SLC39A11: variants seen among roughly 807,000 people sequenced by gnomAD.
SLC39A11 encodes the protein zinc transporter ZIP11.
SLC39A11 carries 33 observed loss-of-function variants against 36.1 expected under a neutral mutation model. The ratio of observed to expected loss-of-function variants is 0.91; its 90% CI spans 0.69 to 1.22. SLC39A11 has a LOEUF of 1.22. Ranked by LOEUF, SLC39A11 falls within the 50% of genes most tolerant of loss-of-function variation. The pLI is 0.00. For missense variants in SLC39A11, 432 were observed against 430.3 expected, an observed-to-expected ratio of 1.00 and a Z score of -0.03; for synonymous variants, 166 against 170.3, an observed-to-expected ratio of 0.97 and a Z score of 0.20.
At chr17:72,845,016 C>T (rs2078987568) in intron 6 of SLC39A11, among the ~76,000 whole-genome samples, 2 of 152,156 alleles carry the variant, frequency 1.3e-5, no homozygotes, top group Admixed American at 1.3e-4. Context: ...AATCGGGACC[C>T]AGGAAGGGAT....
intron 7 of SLC39A11, among the ~76,000 whole-genome samples, chr17:72,673,272 T>C (rs2071098372): frequency 6.6e-6 from 1 of 151,970 alleles, no homozygotes; most frequent in Non-Finnish European, 1.5e-5. Flanking sequence ...ACCTGGCTAG[T>C]TTTTGTATTT....
intron 4 of SLC39A11, among the ~76,000 whole-genome samples, chr17:72,975,244 G>A (rs2087757870): frequency 6.6e-6 from 1 of 152,092 alleles, no homozygotes; most frequent in South Asian, 2.1e-4. Context: ...TTTGAGACCA[G>A]CCTGACCAAC....
chr17:72,891,329 G>A (rs1198290064), intron 5 of SLC39A11, among the ~76,000 whole-genome samples: 4 of 152,300 alleles, frequency 2.6e-5, no homozygotes, highest in Admixed American at 6.5e-5. Context: ...GCTGAGGCAC[G>A]AGAATCGCTT....
At chr17:72,838,758 A>C (rs1394390076) in intron 6 of SLC39A11, among the ~76,000 whole-genome samples, 1 of 152,152 alleles carries the variant, frequency 6.6e-6, no homozygotes, top group Non-Finnish European at 1.5e-5. Context: ...TAACCATTTA[A>C]ATATGCCACT....
intron 3 of SLC39A11, among the ~76,000 whole-genome samples, chr17:73,033,281 G>C (rs1488451525): frequency 6.6e-6 from 1 of 152,214 alleles, no homozygotes; most frequent in African/African-American, 2.4e-5. Flanking sequence ...CCGGGGATTG[G>C]GGACCTCTGC....
intron 6 of SLC39A11, among the ~76,000 whole-genome samples, chr17:72,782,171 C>A (rs927416852): frequency 3.3e-5 from 5 of 152,072 alleles, no homozygotes; most frequent in African/African-American, 7.2e-5. Flanking sequence ...TAGAGACACC[C>A]AGAGGAGAAG....
At chr17:72,787,253 C>CTTTTTTTT (rs56100121) in intron 6 of SLC39A11, among the ~76,000 whole-genome samples, 18 of 80,512 alleles carry the variant, frequency 2.2e-4, no homozygotes, top group Non-Finnish European at 3.1e-4. Context: ...TAACCCATGG[C>CTTTTTTTT]TTTTTTTTTT....
At chr17:72,720,167 A>C (rs561690521) in intron 7 of SLC39A11, among the ~76,000 whole-genome samples, 65 of 152,198 alleles carry the variant, frequency 4.3e-4, no homozygotes, top group Non-Finnish European at 7.2e-4. Flanking sequence ...AGAGAGAAAA[A>C]CACCACACAA....
At chr17:73,034,182 A>G (rs1193153741) in intron 3 of SLC39A11, among the ~76,000 whole-genome samples, 1 of 152,158 alleles carries the variant, frequency 6.6e-6, no homozygotes, top group Non-Finnish European at 1.5e-5. Flanking sequence ...TAAACTCCCC[A>G]TCGAAGAGGA....
At chr17:72,729,264 A>T (rs1232148591) in intron 7 of SLC39A11, among the ~76,000 whole-genome samples, 1 of 148,094 alleles carries the variant, frequency 6.8e-6, no homozygotes, top group Non-Finnish European at 1.5e-5. Context: ...TTTGAGGCAC[A>T]GTCTCTCTAT....
intron 3 of SLC39A11, among the ~76,000 whole-genome samples, chr17:73,036,089 T>C (rs191708383): frequency 5.9e-5 from 9 of 152,290 alleles, no homozygotes; most frequent in African/African-American, 2.2e-4. Context: ...TGCTGCCACC[T>C]TGACTTTGTC....
chr17:72,803,706 T>C (rs1417902698), intron 6 of SLC39A11, among the ~76,000 whole-genome samples: 1 of 152,126 alleles, frequency 6.6e-6, no homozygotes, highest in African/African-American at 2.4e-5. Flanking sequence ...GCATCTCACA[T>C]GTGGCACAGA....
intron 5 of SLC39A11, among the ~76,000 whole-genome samples, chr17:72,942,061 A>AT (rs11396369): frequency 0.48 from 69,924 of 147,048 alleles, 18,708 homozygotes; most frequent in South Asian, 0.66. Flanking sequence ...TTGTATTATT[A>AT]TTATTTTTTT....
intron 7 of SLC39A11, among the ~76,000 whole-genome samples, chr17:72,665,957 C>G (rs1019233791): frequency 1.3e-5 from 2 of 152,180 alleles, no homozygotes; most frequent in African/African-American, 4.8e-5. Flanking sequence ...ATCCCAAGCA[C>G]ATAGTCAAAT....
intron 5 of SLC39A11, among the ~76,000 whole-genome samples, chr17:72,887,789 G>A (rs1366648718): frequency 2.7e-5 from 4 of 150,734 alleles, no homozygotes; most frequent in Non-Finnish European, 5.9e-5. Context: ...ATTTAGAAAC[G>A]AAAAAAAAAA....
intron 3 of SLC39A11, among the ~76,000 whole-genome samples, chr17:73,046,557 T>C (rs544270268): frequency 3.9e-4 from 59 of 152,350 alleles, no homozygotes; most frequent in African/African-American, 1.2e-3. Context: ...AGTATAAGCA[T>C]GTCCCTAATA....
chr17:72,904,418 G>A (rs1022537526), intron 5 of SLC39A11, among the ~76,000 whole-genome samples: 2 of 152,210 alleles, frequency 1.3e-5, no homozygotes, highest in Non-Finnish European at 2.9e-5. Flanking sequence ...AAATAAGGAA[G>A]AGCGGCCACA....
intron 3 of SLC39A11, among the ~76,000 whole-genome samples, chr17:73,082,555 A>G (rs1362941385): frequency 6.6e-6 from 1 of 152,082 alleles, no homozygotes; most frequent in African/African-American, 2.4e-5. Context: ...GGATGGGGGA[A>G]AAAAAGAGAT....
At chr17:72,720,550 G>C (rs576448808) in intron 7 of SLC39A11, among the ~76,000 whole-genome samples, 218 of 152,288 alleles carry the variant, frequency 1.4e-3, no homozygotes, top group African/African-American at 4.6e-3. Context: ...TCCTGGACCT[G>C]AGTGGAAATA....
Sources: allele counts gnomAD v4.1 joint callset (sites outside exome capture counted in the v4.1 genomes callset), GRCh38; gene constraint gnomAD v4.1.1; transcripts MANE v1.5; gene names NCBI Gene and HGNC (gene_info 2026-07-23, HGNC 2026-07-21).